VIPR1: variants seen among roughly 807,000 people sequenced by gnomAD.
VIPR1 encodes the protein vasoactive intestinal peptide receptor 1.
A neutral mutation model predicts 58.8 loss-of-function variants in VIPR1; 59 were observed. That is an observed-to-expected ratio of 1.00 (90% confidence interval 0.81 to 1.25). VIPR1 has a LOEUF of 1.25. Among genes scored for constraint, VIPR1 ranks in the 50% most tolerant of loss-of-function variants. The pLI is 0.00. For missense variants in VIPR1, 626 were observed against 602.7 expected, an observed-to-expected ratio of 1.04 and a Z score of -0.40; for synonymous variants, 251 against 242.1, an observed-to-expected ratio of 1.04 and a Z score of -0.34.
At chr3:42,513,295 C>T (rs927059390) in intron 1 of VIPR1, 2 of 153,714 alleles carry the variant, frequency 1.3e-5, no homozygotes, top group African/African-American at 4.8e-5. Flanking sequence ...CTTCCCAGGG[C>T]TGGCCCTGGG....
intron 2 of VIPR1, among the ~76,000 whole-genome samples, chr3:42,517,832 C>T (rs183135102): frequency 2.6e-5 from 4 of 152,090 alleles, no homozygotes; most frequent in East Asian, 1.9e-4. Context: ...AAAAATTAGC[C>T]GGGTGTGGTG....
At position 42,527,318 on chromosome 3, in the gene VIPR1, C is replaced by A. The variant is rs1014942199; in HGVS notation, c.400-75C>A. On this transcript the variant is annotated intron_variant, in intron 4 of 12. Transcript: ENST00000325123. ...TTGGGCAGGCAGAGTGTGTAGGGCA[C>A]CCCACCCCTGCCAATACCCCCTAGA... The A allele has an allele frequency of 5.7e-6, 8 of 1,395,968 alleles. No homozygotes were observed. The African/African-American group carries it at 7.1e-5, about 12-fold the overall frequency. The allele number at this position is 1,395,968 out of a possible 1,614,324, so 86.5% of individuals were successfully genotyped here. A position where few individuals can be genotyped will look rare whatever the true frequency, so the allele number is the denominator to read the frequency against.
chr3:42,535,303 GGTCT>G (rs780167462), intron 11 of VIPR1, 36 bp from the exon 12 acceptor site: 111 of 1,612,664 alleles, frequency 6.9e-5, no homozygotes, highest in East Asian at 1.1e-4. Flanking sequence ...GGGGGCTTCT[GGTCT>G]GTCTACCTCA....
At chr3:42,506,725 G>A (rs7623333) in intron 1 of VIPR1, 47,866 of 151,656 alleles carry the variant, frequency 0.32, 9,011 homozygotes, top group Non-Finnish European at 0.41. Context: ...ACAGGGTTTC[G>A]CCATGTTGGC....
chr3:42,500,269 G>A (rs1301976712), upstream of VIPR1: 2 of 152,130 alleles, frequency 1.3e-5, no homozygotes, highest in East Asian at 3.9e-4. Context: ...CCCCTCCAGA[G>A]CCAGGGGAAG....
chr3:42,502,958 TC>T, intron 1 of VIPR1, 145 bp downstream of exon 1: 1 of 601,626 alleles, frequency 1.7e-6, no homozygotes, highest in Non-Finnish European at 2.4e-6. Context: ...ACTCGCCTCC[TC>T]CCACCGCTCC....
At chr3:42,533,430 C>CGGGGGGGGGGAGG (rs200121593) in intron 10 of VIPR1, 1 of 65,692 alleles carries the variant, frequency 1.5e-5, no homozygotes, top group Non-Finnish European at 2.6e-5. Flanking sequence ...CTGGGGGGGA[C>CGGGGGGGGGGAGG]GGGGGGGGCA....
intron 2 of VIPR1, 32 bp downstream of exon 2, chr3:42,513,886 T>A: frequency 6.5e-7 from 1 of 1,543,122 alleles, no homozygotes; most frequent in Non-Finnish European, 8.8e-7. Context: ...AGGGGCTGCA[T>A]GCCCCCAGGG....
At chr3:42,502,128 C>G (rs1466785550), upstream of VIPR1, 1 of 152,280 alleles carries the variant, frequency 6.6e-6, no homozygotes, top group Non-Finnish European at 1.5e-5. Flanking sequence ...TCTCTGTCAG[C>G]GCCTGGACAC....
chr3:42,523,572 C>T (rs994710703), intron 3 of VIPR1, among the ~76,000 whole-genome samples: 4 of 150,902 alleles, frequency 2.7e-5, no homozygotes, highest in East Asian at 2.0e-4. Flanking sequence ...CTAGCCCTAA[C>T]ACATTAATGT....
chr3:42,531,742 G>A (rs1701566731), intron 8 of VIPR1, 61 bp from the exon 9 acceptor site: 3 of 1,607,702 alleles, frequency 1.9e-6, no homozygotes, highest in Non-Finnish European at 1.7e-6. Context: ...TGGGGGAGGT[G>A]CTGCTGAGTC....
chr3:42,526,372 T>A (rs1373640623), intron 4 of VIPR1, among the ~76,000 whole-genome samples: 2 of 152,188 alleles, frequency 1.3e-5, no homozygotes, highest in African/African-American at 2.4e-5. Flanking sequence ...GGAACCAGAC[T>A]TGGCTACCAA....
intron 3 of VIPR1, among the ~76,000 whole-genome samples, chr3:42,525,223 CTT>C (rs917768862): frequency 7.9e-5 from 12 of 152,076 alleles, no homozygotes; most frequent in Non-Finnish European, 7.4e-5. Context: ...GGTCCTGTCT[CTT>C]TGCTGCAGCT....
intron 5 of VIPR1, chr3:42,527,773 C>A: frequency 1.5e-6 from 1 of 688,894 alleles, no homozygotes; most frequent in East Asian, 2.7e-5. Flanking sequence ...TCTGGGGCCA[C>A]ACACGAGGTT....
At chr3:42,522,340 C>T (rs1212919590) in intron 3 of VIPR1, among the ~76,000 whole-genome samples, 1 of 151,684 alleles carries the variant, frequency 6.6e-6, no homozygotes, top group East Asian at 1.9e-4. Context: ...ATCTCCTGAC[C>T]TTGTGATCCA....
intron 4 of VIPR1, among the ~76,000 whole-genome samples, chr3:42,526,886 C>T (rs1187481342): frequency 1.3e-5 from 2 of 152,136 alleles, no homozygotes; most frequent in African/African-American, 4.8e-5. Flanking sequence ...CTCATCCCAC[C>T]GACCCCAACT....
At chr3:42,491,907 C>T (rs1317655035) in intron 1 of VIPR1, among the ~76,000 whole-genome samples, 1 of 152,162 alleles carries the variant, frequency 6.6e-6, no homozygotes, top group East Asian at 1.9e-4. Flanking sequence ...TAATACTACT[C>T]AATCCGGATA....
At chr3:42,530,142 T>C (rs1261992249) in intron 6 of VIPR1, 6 of 153,412 alleles carry the variant, frequency 3.9e-5, no homozygotes, top group Non-Finnish European at 8.7e-5. Flanking sequence ...ATTAGATGAA[T>C]GAGTGGGTGG....
chr3:42,502,752 C>T lies in VIPR1; in HGVS notation c.17C>T (p.Pro6Leu). 1 of 1,308,982 alleles carries T rather than the reference C, an allele frequency of 7.6e-7. No individual in the cohort carries two copies. Among genetic ancestry groups the T allele is most frequent in the Non-Finnish European group, 9.7e-7 (1 of 1,031,832 alleles). 81.1% of individuals were successfully genotyped at this position (1,308,982 alleles called of 1,614,324 possible). ...GGGCAGACCATGCGCCCGCCAAGTC[C>T]GCTGCCCGCCCGCTGGCTATGCGTG... MRPPS[P>L]LPARWLCVLA... The change falls in exon 1 of 13, where the codon CCG becomes CTG. Residue 6 changes from proline (P) to leucine (L), a missense_variant. Transcript: ENST00000325123.
Sources: allele counts gnomAD v4.1 joint callset (sites outside exome capture counted in the v4.1 genomes callset), GRCh38; gene constraint gnomAD v4.1.1; transcripts MANE v1.5; gene names NCBI Gene and HGNC (gene_info 2026-07-23, HGNC 2026-07-21).